Variants in TGS1 observed in about 807,000 individuals in gnomAD.
TGS1 encodes the protein trimethylguanosine synthase 1, also known as trimethylguanosine synthase.
Under a neutral mutation model 92.2 loss-of-function variants are expected in TGS1, and 69 were observed. That is an observed-to-expected ratio of 0.75 (90% CI 0.62 to 0.91). TGS1 has a LOEUF of 0.91. TGS1 is among the 40% of genes least tolerant of loss of function. The pLI is 0.00. For missense variants in TGS1, 1,062 were observed against 1,001.2 expected (o/e 1.06, Z -0.82); for synonymous variants, 345 against 338.1 (o/e 1.02, Z -0.22).
intron 6 of TGS1, among the ~76,000 whole-genome samples, chr8:55,794,997 C>G (rs1404206487): frequency 2.0e-5 from 3 of 152,296 alleles, no homozygotes; most frequent in African/African-American, 7.2e-5. Context: ...CTTGTAGTTT[C>G]TAAAGATTAT....
chr8:55,785,552 TGG>T (rs1327006063), intron 2 of TGS1, among the ~76,000 whole-genome samples, 165 bp from the exon 3 acceptor site: 1 of 152,082 alleles, frequency 6.6e-6, no homozygotes, highest in African/African-American at 2.4e-5. Flanking sequence ...TACTCCAACC[TGG>T]GCAGTGTTGT....
At chr8:55,787,476 C>T (rs938526520) in intron 4 of TGS1, among the ~76,000 whole-genome samples, 2 of 151,940 alleles carry the variant, frequency 1.3e-5, no homozygotes, top group Non-Finnish European at 2.9e-5. Context: ...TGAAGTCTTG[C>T]TGTGAAAAAA....
rs1409114379 is a variant in TGS1 at position 55,786,617 on chromosome 8, A to G, written c.719A>G (p.His240Arg). Reference protein sequence around the residue: ...FPDTKEEWEQHYSQLYWYYLE... With the variant: ...FPDTKEEWEQRYSQLYWYYLE... ...GATACAAAGGAAGAATGGGAGCAAC[A>G]TTATAGTCAACTTTATTGGTATTAT... is the stretch of plus-strand genomic sequence containing the variant. Residue 240 changes from histidine (H) to arginine (R), a missense_variant, in exon 4 of 13, where the codon CAT becomes CGT. Physicochemically the swap from His to Arg is conservative, Grantham distance 29 (BLOSUM62 0). Coordinates refer to ENST00000260129, the MANE Select transcript of TGS1 (RefSeq NM_024831.8). 14 of 1,614,174 alleles carry G rather than the reference A, an allele frequency of 8.7e-6. No homozygotes were observed. The highest frequency in any genetic ancestry group is 6.6e-5 in the South Asian group (6 of 91,080).
At chr8:55,821,460 T>C (rs1195505212) in intron 12 of TGS1, among the ~76,000 whole-genome samples, 1 of 152,348 alleles carries the variant, frequency 6.6e-6, no homozygotes, top group East Asian at 1.9e-4. Flanking sequence ...CTCCGTTTTT[T>C]ATTTTAATCC....
Position 55,813,103 on chromosome 8 carries a change from T to C in TGS1, c.2424T>C (p.Asn808=). Residue 808 remains asparagine, a synonymous_variant, in exon 12 of 13, where the codon AAT becomes AAC. Coordinates refer to ENST00000260129, the MANE Select transcript of TGS1 (RefSeq NM_024831.8). The part of the protein sequence containing the change: ...TNNIVYFLPR[N]ADIDQVASLA... ...ATATTGTTTATTTTCTTCCAAGAAA[T>C]GCTGATATTGACCAGGTAAGCCATT... 2.5e-6 allele frequency: 4 copies of C among 1,609,152 alleles called. No individual in the cohort carries two copies. The highest frequency in any genetic ancestry group is 3.4e-6 in the Non-Finnish European group (4 of 1,176,506).
At chr8:55,776,814 C>T (rs1205397092) in intron 1 of TGS1, among the ~76,000 whole-genome samples, 2 of 152,120 alleles carry the variant, frequency 1.3e-5, no homozygotes, top group African/African-American at 2.4e-5. Flanking sequence ...CAGAGACTCT[C>T]CTTAACCAGA....
Position 55,773,706 on chromosome 8 carries a change from A to G in TGS1, c.88A>G (p.Arg30Gly). Residue 30 changes from arginine to glycine, a missense_variant, in exon 1 of 13, where the codon AGG (arginine) becomes GGG (glycine). By Grantham distance (125) the Arg-to-Gly change is moderately radical (BLOSUM62 -2). Coordinates refer to ENST00000260129, the MANE Select transcript of TGS1 (RefSeq NM_024831.8). ...TTGTAAGATACTGTGCCTTTGCTCC[A>G]GGGCATTTGTGGAGTAAGTAGAAAA... ...EDCKILCLCSRAFVEDRKLYN... is the reference protein window; with the variant it reads ...EDCKILCLCSGAFVEDRKLYN... The G allele has an allele frequency of 6.2e-7, 1 of 1,610,232 alleles. No homozygotes were observed. The highest frequency in any genetic ancestry group is 8.5e-7 in the Non-Finnish European group (1 of 1,178,320).
At chr8:55,778,897 C>T (rs1335263460) in intron 1 of TGS1, among the ~76,000 whole-genome samples, 1 of 152,186 alleles carries the variant, frequency 6.6e-6, no homozygotes, top group African/African-American at 2.4e-5. Context: ...AGAAAGATGA[C>T]TTAGGCATCA....
At chr8:55,820,640 G>A (rs539435465) in intron 12 of TGS1, among the ~76,000 whole-genome samples, 35 of 152,224 alleles carry the variant, frequency 2.3e-4, no homozygotes, top group African/African-American at 8.4e-4. Flanking sequence ...GATCTTTTCT[G>A]TTTCTCCTTT....
At chr8:55,776,808 G>A (rs887527944) in intron 1 of TGS1, among the ~76,000 whole-genome samples, 4 of 152,126 alleles carry the variant, frequency 2.6e-5, no homozygotes, top group Non-Finnish European at 5.9e-5. Flanking sequence ...TACTGACAGA[G>A]ACTCTCCTTA....
At chr8:55,802,843 T>C (rs1388295341) in intron 9 of TGS1, among the ~76,000 whole-genome samples, 3 of 152,222 alleles carry the variant, frequency 2.0e-5, no homozygotes. Flanking sequence ...GTATATTTGC[T>C]AAGGACAAGT....
intron 5 of TGS1, 112 bp from the exon 6 acceptor site, chr8:55,792,586 C>G (rs1482606824): frequency 2.5e-5 from 16 of 647,960 alleles, no homozygotes; most frequent in Non-Finnish European, 4.1e-5. Flanking sequence ...CTATGGTTGA[C>G]TATGGTGTTG....
At chr8:55,779,483 C>G (rs2130104101) in intron 1 of TGS1, among the ~76,000 whole-genome samples, 1 of 152,310 alleles carries the variant, frequency 6.6e-6, no homozygotes, top group Middle Eastern at 3.4e-3. Flanking sequence ...GGCTTACAGG[C>G]TAGCACTGTG....
intron 12 of TGS1, among the ~76,000 whole-genome samples, chr8:55,818,720 C>T (rs1479726990): frequency 6.6e-6 from 1 of 152,208 alleles, no homozygotes; most frequent in Non-Finnish European, 1.5e-5. Context: ...TAGCTTGTAT[C>T]TCCTTCACTA....
chr8:55,784,283 G>A (rs1016401541), intron 2 of TGS1, among the ~76,000 whole-genome samples: 1 of 152,056 alleles, frequency 6.6e-6, no homozygotes, highest in Non-Finnish European at 1.5e-5. Context: ...TTACTTTGTT[G>A]TAATAAATGG....
rs1563460459 is a variant in TGS1 at position 55,799,226 on chromosome 8, A to G, written c.1849+6A>G. On this transcript the variant is annotated splice_donor_region_variant and intron_variant, in intron 8 of 12. Coordinates refer to ENST00000260129, the MANE Select transcript of TGS1 (RefSeq NM_024831.8). ...CCGCCAGGCAGAAACTGAAGGTAACACTAAATATGCTTCAACTTGCTAATG... is the reference window on the plus strand; with the variant it reads ...CCGCCAGGCAGAAACTGAAGGTAACGCTAAATATGCTTCAACTTGCTAATG... 6.3e-7 allele frequency: 1 copy of G among 1,586,332 alleles called. No individual in the cohort carries two copies. Among genetic ancestry groups the G allele is most frequent in the Admixed American group, 1.9e-5 (1 of 52,410 alleles).
intron 12 of TGS1, among the ~76,000 whole-genome samples, chr8:55,818,006 T>C (rs925707301): frequency 9.2e-5 from 14 of 152,218 alleles, no homozygotes; most frequent in African/African-American, 2.9e-4. Context: ...CCTGATTTCA[T>C]TGAAGGCTAT....
At chr8:55,782,087 A>G (rs2130113236) in intron 1 of TGS1, among the ~76,000 whole-genome samples, 1 of 152,360 alleles carries the variant, frequency 6.6e-6, no homozygotes, top group East Asian at 1.9e-4. Context: ...AACAAAATTT[A>G]GAGAACACCC....
intron 10 of TGS1, among the ~76,000 whole-genome samples, chr8:55,806,343 C>T (rs1166803465): frequency 2.9e-4 from 34 of 115,822 alleles, no homozygotes; most frequent in African/African-American, 1.1e-3. Context: ...GGCAACAGAG[C>T]GAGACTCCAC....
Sources: gnomAD v4.1 joint callset for allele counts (sites outside exome capture counted in the v4.1 genomes callset) on GRCh38, gnomAD v4.1.1 for gene constraint, MANE v1.5 for transcripts, NCBI Gene and HGNC (gene_info 2026-07-23, HGNC 2026-07-21) for gene names.